Variants in CSMD2 observed in about 807,000 individuals in gnomAD.
CSMD2 encodes CUB and sushi domain-containing protein 2.
CSMD2 carries 130 observed loss-of-function variants against 398.5 expected under a neutral mutation model. That is an observed-to-expected ratio of 0.33 (90% CI 0.28 to 0.38). The LOEUF is 0.38. Among genes scored for constraint, CSMD2 ranks in the 10% least tolerant of loss-of-function variants. The pLI is 1.00. For synonymous variants in CSMD2, 1,828 were observed against 1,908.5 expected (o/e 0.96, Z 1.10); for missense variants, 3,829 against 4,764.9 (o/e 0.80, Z 5.78).
At chr1:34,121,534 T>C (rs565971767) in intron 1 of CSMD2, among the ~76,000 whole-genome samples, 2 of 152,294 alleles carry the variant, frequency 1.3e-5, no homozygotes, top group South Asian at 4.2e-4. Flanking sequence ...TTAATGTGCA[T>C]ACAAATCACC....
At chr1:33,753,258 C>T (rs1451676783) in intron 13 of CSMD2, among the ~76,000 whole-genome samples, 2 of 152,182 alleles carry the variant, frequency 1.3e-5, no homozygotes. Context: ...ATCATAGGCC[C>T]AGAGGCCCAG....
At chr1:33,582,162 T>C (rs1212733627) in intron 47 of CSMD2, among the ~76,000 whole-genome samples, 1 of 151,962 alleles carries the variant, frequency 6.6e-6, no homozygotes, top group Non-Finnish European at 1.5e-5. Context: ...TCCCTAGCAG[T>C]AATGGGGATG....
At chr1:33,680,846 G>T (rs1353348291) in intron 25 of CSMD2, among the ~76,000 whole-genome samples, 13 of 148,976 alleles carry the variant, frequency 8.7e-5, no homozygotes, top group Non-Finnish European at 1.9e-4. Flanking sequence ...AGATTTGGGG[G>T]TTATCTGTTA....
intron 21 of CSMD2, 141 bp downstream of exon 21, chr1:33,714,446 C>T: frequency 1.0e-6 from 1 of 968,274 alleles, no homozygotes; most frequent in Non-Finnish European, 1.6e-6. Context: ...GTTACCTGCC[C>T]CGGGTCCCAC....
At chr1:34,015,631 G>C (rs990231801) in intron 3 of CSMD2, among the ~76,000 whole-genome samples, 1 of 152,198 alleles carries the variant, frequency 6.6e-6, no homozygotes, top group African/African-American at 2.4e-5. Context: ...GGTACAACAG[G>C]AGGGCCACAG....
Position 33,745,115 on chromosome 1 carries a change from T to C in CSMD2, c.1847-1509A>G, listed in dbSNP as rs147451393. Among the ~76,000 whole-genome samples the C allele has an allele frequency of 3.3e-5, 5 of 152,350 alleles. No homozygotes were observed. In the East Asian group the frequency reaches 7.7e-4, roughly 23 times the overall value. Reference sequence around the variant, plus strand: ...ATGTGATACAGTTTGACTGCAATCATTAAAGTGATAAATATGACCCTGTAG... The same window carrying C: ...ATGTGATACAGTTTGACTGCAATCACTAAAGTGATAAATATGACCCTGTAG... On this transcript the variant is annotated intron_variant, in intron 13 of 70. Coordinates refer to ENST00000373381, the MANE Select transcript of CSMD2 (RefSeq NM_001281956.2).
rs188726940 is a variant in CSMD2, at chr1:33,975,447, G to C, written c.518-39493C>G. On this transcript the variant is annotated intron_variant, in intron 3 of 70. Transcript: ENST00000373381. ...ATAAATGAATAGATCCCTTTTAGAA[G>C]ACATTCAGTAGATCCACAGATCCTC... Among the ~76,000 whole-genome samples, 345 of 149,474 alleles carry C rather than the reference G, an allele frequency of 2.3e-3. 3 individuals are homozygous for C. The highest frequency in any genetic ancestry group is 8.0e-3 in the African/African-American group (323 of 40,370).
At chr1:33,892,550 T>C (rs1028158942) in intron 5 of CSMD2, among the ~76,000 whole-genome samples, 1 of 152,172 alleles carries the variant, frequency 6.6e-6, no homozygotes, top group Non-Finnish European at 1.5e-5. Flanking sequence ...TAGCTCCCAC[T>C]TATAAGTGAG....
intron 5 of CSMD2, among the ~76,000 whole-genome samples, chr1:33,849,060 G>A (rs1442434504): frequency 6.6e-6 from 1 of 152,104 alleles, no homozygotes; most frequent in African/African-American, 2.4e-5. Flanking sequence ...GCCCTAAGGG[G>A]CATCTCCCAC....
chr1:33,729,481 AATTTT>A (rs970383612), intron 15 of CSMD2, among the ~76,000 whole-genome samples: 1 of 148,598 alleles, frequency 6.7e-6, no homozygotes, highest in African/African-American at 2.5e-5. Context: ...AATTTTTTAA[AATTTT>A]ATTATTATTA....
Position 33,631,063 on chromosome 1 carries a change from TA to T in CSMD2, c.5200+2358del, listed in dbSNP as rs200698820. The stretch of plus-strand genomic sequence containing the variant: ...ATGATGAAATAAAGGCAGAGATTAA[TA>T]AAAAAAAGCAACAACAAACTGCAGA... On this transcript the variant is annotated intron_variant, in intron 32 of 70. Transcript: ENST00000373381. Among the ~76,000 whole-genome samples the T allele has an allele frequency of 4.7e-3, 708 of 150,012 alleles. 7 individuals carry two copies. The highest frequency in any genetic ancestry group is 0.015 in the African/African-American group (621 of 40,820).
intron 10 of CSMD2, among the ~76,000 whole-genome samples, chr1:33,798,428 G>A (rs1655206860): frequency 6.6e-6 from 1 of 152,228 alleles, no homozygotes; most frequent in Admixed American, 6.5e-5. Context: ...GGTGCTGATG[G>A]TGAGTGCTGG....
At chr1:33,701,147 C>G (rs746808972) in intron 22 of CSMD2, among the ~76,000 whole-genome samples, 12 of 152,206 alleles carry the variant, frequency 7.9e-5, no homozygotes, top group Non-Finnish European at 1.3e-4. Flanking sequence ...GATCCCACCC[C>G]ACTGTGGCAG....
intron 6 of CSMD2, among the ~76,000 whole-genome samples, chr1:33,844,171 C>G (rs1405753284): frequency 6.6e-6 from 1 of 152,234 alleles, no homozygotes; most frequent in East Asian, 1.9e-4. Flanking sequence ...TTGGTCTTTC[C>G]TGGCTCCAGA....
chr1:34,160,337 C>T (rs1003836596), intron 1 of CSMD2, among the ~76,000 whole-genome samples: 1 of 152,214 alleles, frequency 6.6e-6, no homozygotes, highest in East Asian at 1.9e-4. Context: ...CAAATTCATA[C>T]ACACACTGGT....
At chr1:33,957,528 C>T (rs891275011) in intron 3 of CSMD2, among the ~76,000 whole-genome samples, 4 of 152,122 alleles carry the variant, frequency 2.6e-5, no homozygotes, top group African/African-American at 9.7e-5. Context: ...AGCTGGAATT[C>T]ATCAAAGGGG....
chr1:33,981,031 T>G (rs1242641383), intron 3 of CSMD2, among the ~76,000 whole-genome samples: 1 of 152,136 alleles, frequency 6.6e-6, no homozygotes, highest in Non-Finnish European at 1.5e-5. Flanking sequence ...ACCAGTCTTA[T>G]TTGTGGGCCC....
intron 4 of CSMD2, among the ~76,000 whole-genome samples, chr1:33,934,720 G>T (rs976982556): frequency 6.6e-6 from 1 of 151,806 alleles, no homozygotes; most frequent in South Asian, 2.1e-4. Context: ...CGTGTGCCAC[G>T]TATGGTGGCT....
intron 3 of CSMD2, among the ~76,000 whole-genome samples, chr1:33,993,568 C>A (rs1646631264): frequency 6.6e-6 from 1 of 152,156 alleles, no homozygotes; most frequent in African/African-American, 2.4e-5. Context: ...CTCTCCCTCT[C>A]TCTCTCGTCA....
Sources: allele counts gnomAD v4.1 joint callset (sites outside exome capture counted in the v4.1 genomes callset), GRCh38; gene constraint gnomAD v4.1.1; transcripts MANE v1.5; gene names NCBI Gene and HGNC (gene_info 2026-07-23, HGNC 2026-07-21).